The following CSMD1 variants were observed in gnomAD, a reference collection of about 807,000 sequenced individuals.
The protein encoded by CSMD1 is CUB and Sushi multiple domains 1.
A neutral mutation model predicts 417.5 loss-of-function variants in CSMD1; 213 were observed. The ratio of observed to expected loss-of-function variants is 0.51; its 90% CI spans 0.46 to 0.57. The LOEUF (loss-of-function observed/expected upper bound fraction) is 0.57. Ranked by LOEUF, CSMD1 falls within the 20% of genes least tolerant of loss-of-function variation. CSMD1 has a pLI of 0.00. For missense variants in CSMD1, 6,923 were observed against 4,529.7 expected (o/e 1.53, Z -15.17); for synonymous variants, 2,862 against 1,736.8 (o/e 1.65, Z -16.11).
intron 2 of CSMD1, among the ~76,000 whole-genome samples, chr8:4,469,426 C>A (rs1386891450): frequency 1.3e-5 from 2 of 152,194 alleles, no homozygotes; most frequent in African/African-American, 4.8e-5. Context: ...TTACAAGTAT[C>A]ATCTGGGACT....
At chr8:4,937,194 C>A (rs1340892067) in intron 1 of CSMD1, among the ~76,000 whole-genome samples, 1 of 151,914 alleles carries the variant, frequency 6.6e-6, no homozygotes, top group Admixed American at 6.6e-5. Context: ...GCCTGAGCAA[C>A]AGAGCCAGGC....
intron 6 of CSMD1, among the ~76,000 whole-genome samples, chr8:3,718,833 G>A (rs1287281613): frequency 2.0e-5 from 3 of 152,082 alleles, no homozygotes; most frequent in Admixed American, 2.0e-4. Context: ...GACATAAGCA[G>A]GATTTAACTT....
chr8:4,852,442 C>T (rs1801533398), intron 1 of CSMD1, among the ~76,000 whole-genome samples: 1 of 152,090 alleles, frequency 6.6e-6, no homozygotes, highest in Non-Finnish European at 1.5e-5. Flanking sequence ...CTTTCACTTC[C>T]AACATGATTG....
chr8:4,737,137 T>C (rs1259980671), intron 1 of CSMD1, among the ~76,000 whole-genome samples: 3 of 149,986 alleles, frequency 2.0e-5, no homozygotes, highest in African/African-American at 5.1e-5. Flanking sequence ...ATCCATACCA[T>C]GGAATATTAT....
At chr8:4,335,531 C>G (rs979491480) in intron 3 of CSMD1, among the ~76,000 whole-genome samples, 1 of 152,174 alleles carries the variant, frequency 6.6e-6, no homozygotes, top group African/African-American at 2.4e-5. Context: ...GTAAGAACAT[C>G]AGCACCAACA....
At chr8:4,213,524 T>C (rs916638002) in intron 3 of CSMD1, among the ~76,000 whole-genome samples, 2 of 152,222 alleles carry the variant, frequency 1.3e-5, no homozygotes, top group Middle Eastern at 3.2e-3. Flanking sequence ...TGCGTTAATG[T>C]AGAAATGACA....
intron 1 of CSMD1, among the ~76,000 whole-genome samples, chr8:4,938,402 T>C (rs1442383641): frequency 1.3e-5 from 2 of 152,204 alleles, no homozygotes; most frequent in African/African-American, 2.4e-5. Context: ...TATGACTCCA[T>C]GCCCACTTCT....
chr8:3,069,876 C>T (rs983356441), intron 49 of CSMD1, among the ~76,000 whole-genome samples: 8 of 152,234 alleles, frequency 5.3e-5, no homozygotes, highest in African/African-American at 1.7e-4. Context: ...CCTGGATACC[C>T]AGGGTTTTTC....
At chr8:4,889,259 T>A (rs1473687245) in intron 1 of CSMD1, among the ~76,000 whole-genome samples, 1 of 152,062 alleles carries the variant, frequency 6.6e-6, no homozygotes, top group East Asian at 1.9e-4. Context: ...GTTCTATTAT[T>A]GCCAAAAATC....
chr8:3,927,969 A>G (rs73661023), intron 5 of CSMD1, among the ~76,000 whole-genome samples: 12,289 of 152,178 alleles, frequency 0.081, 637 homozygotes, highest in African/African-American at 0.15. Context: ...TTCATTTAAC[A>G]TAATTTTTAT....
chr8:3,416,029 C>T (rs926984712), intron 12 of CSMD1, among the ~76,000 whole-genome samples: 3 of 152,174 alleles, frequency 2.0e-5, no homozygotes, highest in African/African-American at 4.8e-5. Flanking sequence ...TGGCTGGGCG[C>T]GGCGGCTCAC....
chr8:4,017,842 G>A (rs537280287), intron 4 of CSMD1, among the ~76,000 whole-genome samples: 7 of 152,112 alleles, frequency 4.6e-5, no homozygotes, highest in South Asian at 4.1e-4. Flanking sequence ...TTGGGTGACT[G>A]TATATCTGGT....
rs945844780 is a variant in CSMD1 at position 3,534,837 on chromosome 8, G to A, written c.1344+40108C>T. ...TTCTTTGGGTCACATTTTGGGAAACGTTGCTCTTTTGCCTAGATGTATTCA... is the reference window on the plus strand; with the variant it reads ...TTCTTTGGGTCACATTTTGGGAAACATTGCTCTTTTGCCTAGATGTATTCA... On this transcript the variant is annotated intron_variant, in intron 10 of 69. Transcript: ENST00000635120. Among the ~76,000 whole-genome samples, 10 of 152,274 alleles carry A rather than the reference G, an allele frequency of 6.6e-5. No individual in the cohort carries two copies. In the East Asian group the frequency reaches 1.5e-3, roughly 24 times the overall value.
In CSMD1 at chr8:4,386,841, C is replaced by A. The variant is rs117018727; in HGVS notation, c.415+33112G>T. ...GGATTAATGTAAAGCGGAAATAAGA[C>A]CACAGCAGCAAATGTTGAATCCCTC... On this transcript the variant is annotated intron_variant, in intron 3 of 69. Transcript: ENST00000635120. Among the ~76,000 whole-genome samples, 565 of 152,214 alleles carry A rather than the reference C, an allele frequency of 3.7e-3. 24 individuals carry two copies. The East Asian group carries it at 0.095, about 26-fold the overall frequency.
At chr8:3,413,721 T>C (rs1812956204) in intron 12 of CSMD1, among the ~76,000 whole-genome samples, 1 of 152,196 alleles carries the variant, frequency 6.6e-6, no homozygotes. Context: ...TGCAATTTTA[T>C]TTGAGGTTCA....
intron 3 of CSMD1, among the ~76,000 whole-genome samples, chr8:4,242,746 C>T (rs2128823071): frequency 6.6e-6 from 1 of 152,252 alleles, no homozygotes; most frequent in Admixed American, 6.5e-5. Flanking sequence ...CTGCAGGGCA[C>T]AATCTGAACA....
chr8:3,250,267 A>T (rs61348621), intron 26 of CSMD1, among the ~76,000 whole-genome samples: 38,978 of 151,796 alleles, frequency 0.26, 5,220 homozygotes, highest in Admixed American at 0.28. Flanking sequence ...GTCCATGTGT[A>T]CTCATTGTTC....
chr8:3,239,544 C>T (rs1330388479), intron 26 of CSMD1, among the ~76,000 whole-genome samples: 1 of 152,146 alleles, frequency 6.6e-6, no homozygotes, highest in African/African-American at 2.4e-5. Context: ...AGGGGCAAAT[C>T]CTGGAGCTTG....
chr8:4,493,200 C>A (rs559651832), intron 2 of CSMD1, among the ~76,000 whole-genome samples: 71 of 152,044 alleles, frequency 4.7e-4, no homozygotes, highest in African/African-American at 1.7e-3. Flanking sequence ...GCGTTATATA[C>A]CTACATTGGA....
Sources: gnomAD v4.1 joint callset for allele counts (sites outside exome capture counted in the v4.1 genomes callset) on GRCh38, gnomAD v4.1.1 for gene constraint, MANE v1.5 for transcripts, NCBI Gene and HGNC (gene_info 2026-07-23, HGNC 2026-07-21) for gene names.